The following NDUFS2 variants were observed in gnomAD, a reference collection of about 807,000 sequenced individuals.
NDUFS2 encodes the protein NADH:ubiquinone oxidoreductase core subunit S2.
NDUFS2 carries 38 observed loss-of-function variants against 69.6 expected under a neutral mutation model. That is an observed-to-expected ratio of 0.55 (90% CI 0.42 to 0.72). The LOEUF (loss-of-function observed/expected upper bound fraction) is 0.72. NDUFS2 is among the 30% of genes least tolerant of loss of function. The pLI is 0.00. For synonymous variants in NDUFS2, 194 were observed against 211.2 expected (o/e 0.92, Z 0.70); for missense variants, 468 against 595.0 (o/e 0.79, Z 2.22).
At chr1:161,213,575 T>G in intron 11 of NDUFS2, 74 bp from the exon 12 acceptor site, 2 of 1,556,376 alleles carry the variant, frequency 1.3e-6, no homozygotes, top group Non-Finnish European at 1.8e-6. Context: ...GAAAACAGAA[T>G]GAATAGAGGT....
At chr1:161,206,276 G>T in intron 2 of NDUFS2, 131 bp from the exon 3 acceptor site, 1 of 933,446 alleles carries the variant, frequency 1.1e-6, no homozygotes, top group South Asian at 1.4e-5. Flanking sequence ...TGGTTATAGT[G>T]GAGATTAGGA....
intron 2 of NDUFS2, among the ~76,000 whole-genome samples, chr1:161,205,173 T>C (rs1665392854): frequency 6.6e-6 from 1 of 152,190 alleles, no homozygotes; most frequent in Non-Finnish European, 1.5e-5. Context: ...CACTCTCAAT[T>C]TACCAGTGAA....
intron 2 of NDUFS2, 67 bp from the exon 3 acceptor site, chr1:161,206,340 C>T: frequency 6.5e-7 from 1 of 1,536,724 alleles, no homozygotes; most frequent in Non-Finnish European, 9.0e-7. Flanking sequence ...GAGGCTAACT[C>T]CTTGCTATCT....
chr1:161,198,025 T>C (rs778420353), upstream of NDUFS2: 1 of 1,581,252 alleles, frequency 6.3e-7, no homozygotes, highest in Non-Finnish European at 8.6e-7. The surrounding 1 kb of genome is among the most constrained non-coding windows in gnomAD (Gnocchi z 4.7). Context: ...GGCTGGGGCT[T>C]CCAAGAGGAG....
intron 3 of NDUFS2, 99 bp downstream of exon 3, chr1:161,206,696 G>A (rs1558083577): frequency 1.6e-6 from 2 of 1,262,766 alleles, no homozygotes; most frequent in Middle Eastern, 2.7e-4. Flanking sequence ...GGAGGAAGGT[G>A]TTGAGAGGAG....
Position 161,210,582 on chromosome 1 carries a change from T to C in NDUFS2, c.867-9T>C. ...AGAGTGGCCCTTATTCCCATTATGC[T>C]CTCCACAGTGGAGTGATGCTTCGGG... On this transcript the variant is annotated splice_polypyrimidine_tract_variant and intron_variant, in intron 8 of 13. Transcript: ENST00000676972. 6.2e-7 allele frequency: 1 copy of C among 1,614,060 alleles called. No homozygotes were observed. The highest frequency in any genetic ancestry group is 8.5e-7 in the Non-Finnish European group (1 of 1,179,994).
Position 161,207,956 on chromosome 1 carries a change from C to T in NDUFS2, c.394-1237C>T, listed in dbSNP as rs368125512. On this transcript the variant is annotated intron_variant, in intron 3 of 13. Transcript: ENST00000676972. ...CCCAGAGTAGCCAGGATTATAGGCA[C>T]GCACCACCATGCCTGGCTAATTTTT... 4.1e-4 allele frequency among the ~76,000 whole-genome samples: 60 copies of T among 147,916 alleles called. 2 individuals are homozygous for T. The East Asian group carries it at 0.011, about 27-fold the overall frequency.
intron 1 of NDUFS2, 23 bp downstream of exon 1, chr1:161,202,503 A>T: frequency 6.3e-7 from 1 of 1,598,030 alleles, no homozygotes; most frequent in Non-Finnish European, 8.5e-7. Context: ...GCAGCTCTCG[A>T]CACACTTTCT....
chr1:161,206,358 G>GCCATGTGCT, intron 2 of NDUFS2, 49 bp from the exon 3 acceptor site: 1 of 1,596,650 alleles, frequency 6.3e-7, no homozygotes, highest in Non-Finnish European at 8.6e-7. Context: ...TCTTTTGGGG[G>GCCATGTGCT]ATCCCAAGGG....
At chr1:161,205,099 G>A (rs558590071) in intron 2 of NDUFS2, among the ~76,000 whole-genome samples, 4 of 151,908 alleles carry the variant, frequency 2.6e-5, no homozygotes, top group Admixed American at 1.3e-4. Flanking sequence ...ACTCGGGTCT[G>A]TCAGACTCCA....
upstream of NDUFS2, chr1:161,198,253 G>T: frequency 1.2e-6 from 2 of 1,614,022 alleles, no homozygotes; most frequent in South Asian, 2.2e-5. This position sits in a 1 kb window ranked among gnomAD's most constrained non-coding sequence, Gnocchi z 4.7. Context: ...TCAGGTAGGT[G>T]CCAGGCTCTG....
At chr1:161,198,162 G>A (rs546291574), upstream of NDUFS2, 14 of 1,613,892 alleles carry the variant, frequency 8.7e-6, no homozygotes, top group Non-Finnish European at 9.3e-6. The surrounding 1 kb of genome is among the most constrained non-coding windows in gnomAD (Gnocchi z 4.7). Context: ...TCAGCCCCCC[G>A]ATATTGTAAC....
chr1:161,207,984 T>C (rs1665565996), intron 3 of NDUFS2, among the ~76,000 whole-genome samples: 1 of 140,484 alleles, frequency 7.1e-6, no homozygotes, highest in Admixed American at 6.9e-5. Flanking sequence ...TAATTTTTTT[T>C]TTTTTTTTTT....
At chr1:161,210,039 G>A in intron 6 of NDUFS2, 72 bp from the exon 7 acceptor site, 2 of 1,590,468 alleles carry the variant, frequency 1.3e-6, no homozygotes, top group Non-Finnish European at 1.7e-6. Context: ...ATCGCTGGGG[G>A]AGGGGGTGCT....
chr1:161,199,532 G>T (rs1362416606), upstream of NDUFS2: 1 of 152,366 alleles, frequency 6.6e-6, no homozygotes, highest in Non-Finnish European at 1.5e-5. Flanking sequence ...AGGTAAGGAG[G>T]CATCAAGAGG....
In NDUFS2 at chr1:161,202,427, G is replaced by C. The variant is rs1453237480; in HGVS notation, c.42G>C (p.Ala14=). Residue 14 remains alanine, a synonymous_variant, in exon 1 of 14, where the codon GCG becomes GCC. Coordinates refer to ENST00000676972, the MANE Select transcript of NDUFS2 (RefSeq NM_001377299.1). The part of the protein sequence containing the change: ...LRALCGFRGV[A]AQVLRPGAGV... The stretch of plus-strand genomic sequence containing the variant: ...CTTTGTGCGGCTTCCGGGGCGTCGC[G>C]GCCCAGGTGCTGCGGCCTGGGGCTG... 3 of 1,612,758 alleles carry C rather than the reference G, an allele frequency of 1.9e-6. No homozygotes were observed. The highest frequency in any genetic ancestry group is 2.5e-6 in the Non-Finnish European group (3 of 1,179,756).
chr1:161,214,161 C>A lies in NDUFS2; in HGVS notation c.1360C>A (p.Gln454Lys). The change falls in exon 14 of 14, where the codon CAA (glutamine) becomes AAA (lysine). Residue 454 changes from glutamine (Q) to lysine (K), a missense_variant. Gln to Lys is a moderately conservative substitution (Grantham distance 53). Transcript: ENST00000676972. ...LADVVAIIGT[Q>K]DIVFGEVDR ...TCCTCCATCCTCTCACCTAGGTACC[C>A]AAGATATTGTATTTGGAGAAGTAGA... The A allele has an allele frequency of 6.2e-7, 1 of 1,613,868 alleles. No homozygotes were observed. The highest frequency in any genetic ancestry group is 8.5e-7 in the Non-Finnish European group (1 of 1,179,918).
At chr1:161,200,713 G>A (rs943824128), upstream of NDUFS2, among the ~76,000 whole-genome samples, 1 of 152,098 alleles carries the variant, frequency 6.6e-6, no homozygotes, top group Non-Finnish European at 1.5e-5. Context: ...TAGAGGAGTC[G>A]GACAAAGGGT....
At chr1:161,209,132 G>A (rs545503131) in intron 3 of NDUFS2, 61 bp from the exon 4 acceptor site, 33 of 1,612,836 alleles carry the variant, frequency 2.0e-5, no homozygotes, top group Non-Finnish European at 2.8e-5. Flanking sequence ...AAGGCTTCAG[G>A]CAGCCAGACT....
Sources: gnomAD v4.1 joint callset for allele counts (sites outside exome capture counted in the v4.1 genomes callset) on GRCh38, gnomAD v4.1.1 for gene constraint, Gnocchi (gnomAD v3.1) non-coding constraint, MANE v1.5 for transcripts, NCBI Gene and HGNC (gene_info 2026-07-23, HGNC 2026-07-21) for gene names.